The following AUTS2 variants were observed in gnomAD, a reference collection of about 807,000 sequenced individuals.
AUTS2 encodes autism susceptibility gene 2 protein.
Under a neutral mutation model 112.4 loss-of-function variants are expected in AUTS2, and 17 were observed. That is an observed-to-expected ratio of 0.15 (90% CI 0.10 to 0.23). The LOEUF is 0.23. Ranked by LOEUF, AUTS2 falls within the 10% of genes least tolerant of loss-of-function variation. The pLI is 1.00. For synonymous variants in AUTS2, 751 were observed against 702.7 expected, an observed-to-expected ratio of 1.07 and a Z score of -1.09; for missense variants, 1,510 against 1,701.6, an observed-to-expected ratio of 0.89 and a Z score of 1.98.
chr7:70,514,741 G>A (rs1331840822), intron 5 of AUTS2, among the ~76,000 whole-genome samples: 4 of 152,170 alleles, frequency 2.6e-5, no homozygotes, highest in African/African-American at 7.2e-5. Context: ...CTCTGCGGTG[G>A]TTGAATTCAT....
chr7:69,845,077 C>T (rs906085617), intron 1 of AUTS2, among the ~76,000 whole-genome samples: 11 of 152,100 alleles, frequency 7.2e-5, no homozygotes, highest in Admixed American at 6.5e-4. Flanking sequence ...GTTCATCCTT[C>T]GTTTCCCTCT....
At chr7:69,666,678 G>A (rs28577243) in intron 1 of AUTS2, among the ~76,000 whole-genome samples, 14,560 of 152,194 alleles carry the variant, frequency 0.096, 1,096 homozygotes, top group African/African-American at 0.2. Context: ...AAGGCAGGAG[G>A]ATTGCTTGAG....
chr7:70,690,007 GTAATC>G (rs1455032018), intron 5 of AUTS2, among the ~76,000 whole-genome samples: 2 of 152,188 alleles, frequency 1.3e-5, no homozygotes, highest in Non-Finnish European at 2.9e-5. Flanking sequence ...TGTGTCATCT[GTAATC>G]ATAATAGACA....
chr7:69,932,172 T>C (rs2129544041), intron 2 of AUTS2, among the ~76,000 whole-genome samples: 1 of 152,346 alleles, frequency 6.6e-6, no homozygotes, highest in East Asian at 1.9e-4. Context: ...TTCATCCAGT[T>C]CTATAAAGAC....
At chr7:70,373,138 T>A (rs531648835) in intron 4 of AUTS2, among the ~76,000 whole-genome samples, 1 of 151,768 alleles carries the variant, frequency 6.6e-6, no homozygotes, top group Non-Finnish European at 1.5e-5. Flanking sequence ...TTTTTTTTTT[T>A]ATGTGAGAAA....
At chr7:70,602,506 A>T (rs1175029725) in intron 5 of AUTS2, among the ~76,000 whole-genome samples, 2 of 152,180 alleles carry the variant, frequency 1.3e-5, no homozygotes, top group African/African-American at 4.8e-5. Flanking sequence ...CCAGGCACTC[A>T]TGTTTTATTT....
intron 12 of AUTS2, chr7:70,774,885 C>T (rs1790588251): frequency 6.4e-6 from 1 of 157,086 alleles, no homozygotes; most frequent in African/African-American, 2.4e-5. Context: ...TGTCTAATAG[C>T]TATAAATAAT....
At chr7:70,504,667 G>A (rs1798895360) in intron 5 of AUTS2, among the ~76,000 whole-genome samples, 1 of 152,144 alleles carries the variant, frequency 6.6e-6, no homozygotes, top group African/African-American at 2.4e-5. Context: ...AACATCTAAT[G>A]TTTTCCTCTC....
intron 4 of AUTS2, chr7:70,317,145 G>C (rs1790033837): frequency 6.6e-6 from 1 of 151,990 alleles, no homozygotes; most frequent in Admixed American, 6.6e-5. Context: ...TTTGATCCTT[G>C]TTTATCTTTT....
intron 4 of AUTS2, among the ~76,000 whole-genome samples, chr7:70,240,941 A>C (rs1812578463): frequency 6.6e-6 from 1 of 152,214 alleles, no homozygotes; most frequent in Non-Finnish European, 1.5e-5. Context: ...TTGAATAACA[A>C]CAGTAAGGTG....
At chr7:70,055,113 A>G (rs772699900) in intron 2 of AUTS2, among the ~76,000 whole-genome samples, 2 of 152,126 alleles carry the variant, frequency 1.3e-5, no homozygotes, top group Admixed American at 1.3e-4. Flanking sequence ...CATTTCCTCT[A>G]TTCAGAGTCA....
At chr7:69,605,566 T>TA (rs1213322901) in intron 1 of AUTS2, among the ~76,000 whole-genome samples, 2 of 152,126 alleles carry the variant, frequency 1.3e-5, no homozygotes, top group South Asian at 2.1e-4. Flanking sequence ...TGGCAACCTG[T>TA]AAAAAAAGGT....
At chr7:70,476,599 T>C (rs1797593470) in intron 5 of AUTS2, among the ~76,000 whole-genome samples, 1 of 152,230 alleles carries the variant, frequency 6.6e-6, no homozygotes, top group Non-Finnish European at 1.5e-5. Flanking sequence ...AGTCATGTAC[T>C]GAGTGTACTC....
At chr7:70,397,714 C>A (rs1182706642) in intron 4 of AUTS2, among the ~76,000 whole-genome samples, 2 of 151,982 alleles carry the variant, frequency 1.3e-5, no homozygotes, top group East Asian at 3.9e-4. Context: ...TTTGTGGGTT[C>A]TTTTCATTTA....
intron 5 of AUTS2, among the ~76,000 whole-genome samples, chr7:70,486,331 C>T (rs965828868): frequency 6.6e-6 from 1 of 152,214 alleles, no homozygotes; most frequent in Admixed American, 6.5e-5. Context: ...GTTTCTTCAT[C>T]AGCAATAGCC....
intron 2 of AUTS2, among the ~76,000 whole-genome samples, chr7:69,911,312 C>G (rs939686515): frequency 5.9e-5 from 9 of 152,214 alleles, no homozygotes; most frequent in Non-Finnish European, 8.8e-5. Flanking sequence ...ATACCAGGAA[C>G]CACAGAGCCC....
intron 5 of AUTS2, among the ~76,000 whole-genome samples, chr7:70,556,758 G>A (rs987252683): frequency 6.6e-6 from 1 of 152,110 alleles, no homozygotes; most frequent in Non-Finnish European, 1.5e-5. Context: ...TCTAGCCTTT[G>A]CTTCTCCCTT....
intron 2 of AUTS2, among the ~76,000 whole-genome samples, chr7:70,046,380 G>A (rs2129558580): frequency 6.6e-6 from 1 of 152,302 alleles, no homozygotes; most frequent in East Asian, 1.9e-4. Context: ...AGTGTATAAA[G>A]CACATGCTAG....
intron 1 of AUTS2, among the ~76,000 whole-genome samples, chr7:69,655,916 T>C (rs1053147041): frequency 4.6e-5 from 7 of 152,176 alleles, no homozygotes; most frequent in Non-Finnish European, 1.0e-4. Context: ...GGCCCACAAG[T>C]TGTATGGGGC....
Sources: allele counts gnomAD v4.1 joint callset (sites outside exome capture counted in the v4.1 genomes callset), GRCh38; gene constraint gnomAD v4.1.1; transcripts MANE v1.5; gene names NCBI Gene and HGNC (gene_info 2026-07-23, HGNC 2026-07-21).